The following TRIM13 variants were observed in gnomAD, a reference collection of about 807,000 sequenced individuals.
TRIM13 encodes the protein E3 ubiquitin-protein ligase TRIM13.
Under a neutral mutation model 27.1 loss-of-function variants are expected in TRIM13, and 15 were observed. That is an observed-to-expected ratio of 0.55 (90% CI 0.37 to 0.85). The LOEUF (loss-of-function observed/expected upper bound fraction) is 0.85, where lower values mean the gene tolerates loss of function less well. Ranked by LOEUF, TRIM13 falls within the 40% of genes least tolerant of loss-of-function variation. The pLI is 0.00. For synonymous variants in TRIM13, 193 were observed against 171.5 expected (o/e 1.13, Z -0.98); for missense variants, 402 against 472.2 (o/e 0.85, Z 1.38).
rs772086058 is a variant in TRIM13, at chr13:50,011,967, A to G, written c.27A>G (p.Thr9=). The change falls in exon 2 of 2, where the codon ACA becomes ACG. Residue 9 remains threonine (T), a synonymous_variant. Transcript: ENST00000378182. MELLEEDL[T]CPICCSLFDD... is the part of the protein sequence containing the mutation. ...TGGAGCTGCTTGAAGAAGATCTCAC[A>G]TGCCCTATTTGTTGTAGTCTGTTTG... 5.0e-6 allele frequency: 8 copies of G among 1,612,906 alleles called. No individual in the cohort carries two copies. The highest frequency in any genetic ancestry group is 3.3e-5 in the Admixed American group (2 of 59,860).
At chr13:50,003,758 C>A (rs1221608786) in intron 1 of TRIM13, among the ~76,000 whole-genome samples, 7 of 151,790 alleles carry the variant, frequency 4.6e-5, no homozygotes, top group Non-Finnish European at 7.4e-5. Flanking sequence ...ACAATTTGTT[C>A]AAAAAAATAA....
At chr13:50,011,851 C>T (rs1273644563) in intron 1 of TRIM13, 84 bp from the exon 2 acceptor site, 45 of 1,436,186 alleles carry the variant, frequency 3.1e-5, no homozygotes, top group East Asian at 6.9e-5. Context: ...ATCATTTTAA[C>T]GTGAAGGCAG....
At position 49,997,078 on chromosome 13, in the gene TRIM13, C is replaced by A. The variant is rs910844094; in HGVS notation, c.-692C>A. On this transcript the variant is annotated 5_prime_UTR_variant, in exon 1 of 2. Coordinates refer to ENST00000378182, the MANE Select transcript of TRIM13 (RefSeq NM_213590.3). ...GGGGCTGTGCTTGGCGCGTACCGTG[C>A]GGTCCCTGTAGTTGGAGGACGGGCG... 6.7e-6 allele frequency: 1 copy of A among 149,292 alleles called. No homozygotes were observed. The highest frequency in any genetic ancestry group is 1.5e-5 in the Non-Finnish European group (1 of 67,676). 9.2% of individuals were successfully genotyped at this position (149,292 alleles called of 1,614,324 possible).
rs771452564 is a variant in TRIM13 at position 50,015,650 on chromosome 13, A to G, written c.*2486A>G. On this transcript the variant is annotated 3_prime_UTR_variant, in exon 2 of 2. Coordinates refer to ENST00000378182, the MANE Select transcript of TRIM13 (RefSeq NM_213590.3). ...GGTTGGTGGCCAGATTTTTGTAGAC[A>G]GAGATGGTGATTTGTTTAGTTTCAT... 2.5e-6 allele frequency: 4 copies of G among 1,614,064 alleles called. No homozygotes were observed. In the East Asian group the frequency reaches 8.9e-5, roughly 36 times the overall value.
chr13:50,015,605 A>G lies in TRIM13; in HGVS notation c.*2441A>G. The G allele has an allele frequency of 6.2e-7, 1 of 1,614,158 alleles. No homozygotes were observed. The highest frequency in any genetic ancestry group is 1.1e-5 in the South Asian group (1 of 91,088). On this transcript the variant is annotated 3_prime_UTR_variant, in exon 2 of 2. Transcript: ENST00000378182. ...TCGTTTGGCACGCATGTTAGATGGC[A>G]GAGACCAAGAATTCAAGATGGTTGG...
Position 50,012,900 on chromosome 13 carries a change from A to G in TRIM13, c.960A>G (p.Leu320=). 6.2e-7 allele frequency: 1 copy of G among 1,613,956 alleles called. No individual in the cohort carries two copies. The highest frequency in any genetic ancestry group is 8.5e-7 in the Non-Finnish European group (1 of 1,179,984). ...IPWSFYKLFL[L]ILLLGLVIVF... The stretch of plus-strand genomic sequence containing the variant: ...GGAGCTTTTATAAGTTATTTTTGCT[A>G]ATCCTTCTGCTTGGCCTTGTCATTG... Residue 320 remains leucine, a synonymous_variant, in exon 2 of 2, where the codon CTA becomes CTG. Coordinates refer to ENST00000378182, the MANE Select transcript of TRIM13 (RefSeq NM_213590.3).
chr13:50,006,185 G>C (rs577568376), intron 1 of TRIM13, among the ~76,000 whole-genome samples: 2 of 152,140 alleles, frequency 1.3e-5, no homozygotes, highest in South Asian at 4.2e-4. Flanking sequence ...CATTTTAAGA[G>C]CTGTATGTTG....
At chr13:50,006,301 CCT>C (rs1594569641) in intron 1 of TRIM13, among the ~76,000 whole-genome samples, 1 of 151,992 alleles carries the variant, frequency 6.6e-6, no homozygotes, top group Admixed American at 6.5e-5. Flanking sequence ...CTTCTTGGCC[CCT>C]GTCGTTGTAT....
In TRIM13 at chr13:50,015,093, A is replaced by ATT. The variant is rs1566446972; in HGVS notation, c.*1929_*1930insTT. On this transcript the variant is annotated 3_prime_UTR_variant, in exon 2 of 2. Coordinates refer to ENST00000378182, the MANE Select transcript of TRIM13 (RefSeq NM_213590.3). ...CCAGTAATAAAAAAAAAAAAAAAAA[A>ATT]AATATATATATATATATATATATAT... The ATT allele has an allele frequency of 1.8e-3, 25 of 14,206 alleles. 2 individuals carry two copies. The highest frequency in any genetic ancestry group is 3.1e-3 in the Non-Finnish European group (20 of 6,516). The allele number at this position is 14,206 out of a possible 1,614,324, so 0.9% of individuals were successfully genotyped here.
chr13:50,004,234 G>A (rs950663964), intron 1 of TRIM13, among the ~76,000 whole-genome samples: 1 of 152,122 alleles, frequency 6.6e-6, no homozygotes, highest in Non-Finnish European at 1.5e-5. Context: ...GCTGAGTCCC[G>A]ACTGCTTGAG....
rs1028447386 is a variant in TRIM13 at position 50,013,676 on chromosome 13, C to T, written c.*512C>T. 6.1e-6 allele frequency: 1 copy of T among 163,538 alleles called. No homozygotes were observed. The allele number at this position is 163,538 out of a possible 1,614,324, so 10.1% of individuals were successfully genotyped here. A position where few individuals can be genotyped will look rare whatever the true frequency, so the allele number is the denominator to read the frequency against. ...TAGCTGGGATTACAGGCGCGTGCCA[C>T]CACGCCCAGCTAATTTTTTGTATTT... On this transcript the variant is annotated 3_prime_UTR_variant, in exon 2 of 2. Transcript: ENST00000378182.
intron 1 of TRIM13, among the ~76,000 whole-genome samples, chr13:50,011,069 GTGA>G (rs767812125): frequency 1.6e-4 from 25 of 152,322 alleles, no homozygotes; most frequent in East Asian, 9.6e-4. Flanking sequence ...AATTTGGGTG[GTGA>G]TGAAGAATAC....
In TRIM13 at chr13:50,013,026, C is replaced by T. The variant is rs768652055; in HGVS notation, c.1086C>T (p.Ala362=). 72 of 1,613,664 alleles carry T rather than the reference C, an allele frequency of 4.5e-5. No individual in the cohort carries two copies. The highest frequency in any genetic ancestry group is 1.1e-4 in the South Asian group (10 of 91,034). The change falls in exon 2 of 2, where the codon GCC becomes GCT. Residue 362 remains alanine (A), a synonymous_variant. Transcript: ENST00000378182. ...SNFSSYLTKT[A]DFIEQSVFYW... is the part of the protein sequence containing the mutation. ...TCAGTTCCTATCTGACTAAAACAGCCGATTTCATAGAACAATCAGTTTTTT... is the reference window on the plus strand; with the variant it reads ...TCAGTTCCTATCTGACTAAAACAGCTGATTTCATAGAACAATCAGTTTTTT...
rs1367190727 is a variant in TRIM13 at position 50,014,300 on chromosome 13, A to C, written c.*1136A>C. ...AAACCAGCTTCGTAAACATAGCAAG[A>C]CCCAGTCTCTACCAAAAAAAAAAAA... On this transcript the variant is annotated 3_prime_UTR_variant, in exon 2 of 2. Coordinates refer to ENST00000378182, the MANE Select transcript of TRIM13 (RefSeq NM_213590.3). The C allele has an allele frequency of 7.9e-6, 1 of 125,826 alleles. No individual in the cohort carries two copies. Among genetic ancestry groups the C allele is most frequent in the Non-Finnish European group, 1.7e-5 (1 of 60,042 alleles). The allele number at this position is 125,826 out of a possible 1,614,324, so 7.8% of individuals were successfully genotyped here.
chr13:50,005,798 C>T (rs1874631069), intron 1 of TRIM13, among the ~76,000 whole-genome samples: 1 of 146,132 alleles, frequency 6.8e-6, no homozygotes, highest in Admixed American at 6.9e-5. Flanking sequence ...CTCACGGCAA[C>T]CTCTGGCCTC....
At chr13:50,001,119 G>C (rs1366295914) in intron 1 of TRIM13, 2 of 152,236 alleles carry the variant, frequency 1.3e-5, no homozygotes, top group Non-Finnish European at 2.9e-5. Flanking sequence ...GTAAAACCCT[G>C]TCTCTACTAA....
chr13:50,011,841 A>G (rs1875686171), intron 1 of TRIM13, 94 bp from the exon 2 acceptor site: 1 of 1,416,196 alleles, frequency 7.1e-7, no homozygotes, highest in African/African-American at 1.4e-5. Context: ...TCAGTGAAAA[A>G]TCATTTTAAC....
rs1203327127 is a variant in TRIM13 at position 50,017,138 on chromosome 13, CCTTAT to C, written c.*3978_*3982del. On this transcript the variant is annotated 3_prime_UTR_variant, in exon 2 of 2. Transcript: ENST00000378182. ...GGCTGATTGTGAAGAAAATCTAATA[CCTTAT>C]CTTTATCTCAAACCTCTGTACAACT... The C allele has an allele frequency of 7.8e-5, 13 of 166,922 alleles. No individual in the cohort carries two copies. The Admixed American group carries it at 8.5e-4, about 11-fold the overall frequency. The allele number at this position is 166,922 out of a possible 1,614,324, so 10.3% of individuals were successfully genotyped here. A position where few individuals can be genotyped will look rare whatever the true frequency, so the allele number is the denominator to read the frequency against.
chr13:50,014,356 TATATACACAC>T lies in TRIM13; in HGVS notation c.*1194_*1203del, dbSNP rs1876081935. On this transcript the variant is annotated 3_prime_UTR_variant, in exon 2 of 2. Transcript: ENST00000378182. ...AAAAAAAAAAAAAAATATATATATA[TATATACACAC>T]ACACACACACATATGTACACATACA... The T allele has an allele frequency of 2.8e-5, 2 of 71,434 alleles. 1 individual carries two copies. Among genetic ancestry groups the T allele is most frequent in the Non-Finnish European group, 5.9e-5 (2 of 33,842 alleles). The allele number at this position is 71,434 out of a possible 1,614,324, so 4.4% of individuals were successfully genotyped here.
Sources: allele counts gnomAD v4.1 joint callset (sites outside exome capture counted in the v4.1 genomes callset), GRCh38; gene constraint gnomAD v4.1.1; transcripts MANE v1.5; gene names NCBI Gene and HGNC (gene_info 2026-07-23, HGNC 2026-07-21).